The following TIMM22 variants were observed in gnomAD, a reference collection of about 807,000 sequenced individuals.
TIMM22 encodes mitochondrial import inner membrane translocase subunit Tim22.
In TIMM22, 12 loss-of-function variants were observed where a neutral mutation model predicts 18.3. That is an observed-to-expected ratio of 0.65 (90% confidence interval 0.42 to 1.06). TIMM22 has a LOEUF of 1.06. Ranked by LOEUF, TIMM22 falls within the 50% of genes least tolerant of loss-of-function variation. The pLI is 0.00. For synonymous variants in TIMM22, 107 were observed against 98.5 expected, an observed-to-expected ratio of 1.09 and a Z score of -0.51; for missense variants, 278 against 252.8, an observed-to-expected ratio of 1.10 and a Z score of -0.68.
Position 997,524 on chromosome 17 carries a change from T to A in TIMM22, c.238+144T>A, listed in dbSNP as rs190671153. On this transcript the variant is annotated intron_variant, in intron 1 of 3. Coordinates refer to ENST00000327158, the MANE Select transcript of TIMM22 (RefSeq NM_013337.4). ...CCTCGCCTCGTTCGTGAATCGGGCG[T>A]CACCTCTCCTGCCCCCTCAGGCCGG... The A allele has an allele frequency of 4.6e-4, 354 of 777,358 alleles. 1 individual carries two copies. In the African/African-American group the frequency reaches 5.6e-3, roughly 12 times the overall value. The allele number at this position is 777,358 out of a possible 1,614,324, so 48.2% of individuals were successfully genotyped here.
chr17:999,329 A>C (rs3062162), intron 2 of TIMM22, among the ~76,000 whole-genome samples, 183 bp from the exon 3 acceptor site: 8,452 of 48,576 alleles, frequency 0.17, 429 homozygotes, highest in South Asian at 0.24. Flanking sequence ...CATACTATAT[A>C]TATATATATA....
chr17:997,461 G>A (rs1597307146), intron 1 of TIMM22, 81 bp downstream of exon 1: 14 of 1,382,082 alleles, frequency 1.0e-5, no homozygotes, highest in Non-Finnish European at 1.4e-5. Flanking sequence ...CCACGCGCCT[G>A]GGAGGCGAGG....
intron 1 of TIMM22, 106 bp from the exon 2 acceptor site, chr17:998,673 C>T (rs1305910676): frequency 1.6e-6 from 2 of 1,233,980 alleles, no homozygotes; most frequent in African/African-American, 1.5e-5. Context: ...GGGGGGTGTC[C>T]TCTGCACCGG....
rs111529514 is a variant in TIMM22 at position 998,403 on chromosome 17, C to T, written c.239-376C>T. ...TTGTGAAGAATGAATGAGGCTGTGG[C>T]ATACTGGCATGTGCTCAGTAAAGCA... On this transcript the variant is annotated intron_variant, in intron 1 of 3. Transcript: ENST00000327158. Among the ~76,000 whole-genome samples the T allele has an allele frequency of 8.4e-4, 128 of 152,298 alleles. 1 individual carries two copies. Among genetic ancestry groups the T allele is most frequent in the African/African-American group, 2.8e-3 (117 of 41,562 alleles).
intron 2 of TIMM22, 36 bp from the exon 3 acceptor site, chr17:999,476 T>C (rs1442834068): frequency 1.2e-6 from 2 of 1,610,482 alleles, no homozygotes; most frequent in Admixed American, 1.7e-5. Flanking sequence ...CCTTGGCTTG[T>C]TTCTTTGGCT....
chr17:1,001,339 C>T lies in TIMM22; in HGVS notation c.*251C>T, dbSNP rs944179534. On this transcript the variant is annotated 3_prime_UTR_variant, in exon 4 of 4. Coordinates refer to ENST00000327158, the MANE Select transcript of TIMM22 (RefSeq NM_013337.4). ...CGTGCCAGATTCTCTCACAGCAGAT[C>T]GGGAGACAGGATGTTGACATATAGG... 5.5e-5 allele frequency: 24 copies of T among 434,130 alleles called. No homozygotes were observed. Among genetic ancestry groups the T allele is most frequent in the African/African-American group, 3.6e-4 (18 of 49,532 alleles). The allele number at this position is 434,130 out of a possible 1,614,324, so 26.9% of individuals were successfully genotyped here.
At position 1,000,157 on chromosome 17, in the gene TIMM22, T is replaced by C. The variant is rs563826859; in HGVS notation, c.508+573T>C. On this transcript the variant is annotated intron_variant, in intron 3 of 3. Transcript: ENST00000327158. ...CCTCAGCCTCCCAAAGTGCTGGGAT[T>C]ACAGGCATGAGCCACCACGTGTGGC... is the stretch of plus-strand genomic sequence containing the variant. Among the ~76,000 whole-genome samples the C allele has an allele frequency of 1.2e-4, 18 of 152,278 alleles. No individual in the cohort carries two copies. In the South Asian group the frequency reaches 3.5e-3, roughly 30 times the overall value.
In TIMM22 at chr17:1,001,443, G is replaced by T. The variant is rs763598511; in HGVS notation, c.*355G>T. The stretch of plus-strand genomic sequence containing the variant: ...TGGTGTTGTGGGCACAGAGGTGACA[G>T]TGTCTCTGCAGGCACTCAGGAAGCT... On this transcript the variant is annotated 3_prime_UTR_variant, in exon 4 of 4. Transcript: ENST00000327158. The T allele has an allele frequency of 4.0e-4, 98 of 243,610 alleles. No homozygotes were observed. The highest frequency in any genetic ancestry group is 6.4e-4 in the Non-Finnish European group (78 of 121,472). 15.1% of individuals were successfully genotyped at this position (243,610 alleles called of 1,614,324 possible). A position where few individuals can be genotyped will look rare whatever the true frequency, so the allele number is the denominator to read the frequency against.
At chr17:998,216 G>A (rs777959531) in intron 1 of TIMM22, among the ~76,000 whole-genome samples, 11 of 152,158 alleles carry the variant, frequency 7.2e-5, no homozygotes, top group Non-Finnish European at 1.5e-4. Context: ...GTCATGAGAG[G>A]GCATCCATCT....
intron 2 of TIMM22, among the ~76,000 whole-genome samples, 190 bp from the exon 3 acceptor site, chr17:999,322 A>ATTAT (rs1349151104): frequency 4.3e-5 from 2 of 46,746 alleles, no homozygotes; most frequent in African/African-American, 2.1e-4. Context: ...ATGAACGCAT[A>ATTAT]CTATATATAT....
chr17:997,880 C>T (rs1846304108), intron 1 of TIMM22, among the ~76,000 whole-genome samples: 1 of 152,216 alleles, frequency 6.6e-6, no homozygotes, highest in Non-Finnish European at 1.5e-5. Flanking sequence ...AATTCATTCT[C>T]TTAAATAATT....
chr17:1,000,960 C>T (rs868067807), intron 3 of TIMM22, 52 bp from the exon 4 acceptor site: 3 of 1,604,858 alleles, frequency 1.9e-6, no homozygotes, highest in Non-Finnish European at 2.6e-6. Context: ...GTGAGTGCCT[C>T]GTGACCCAGC....
Position 999,352 on chromosome 17 carries a change from T to TACATACATAC in TIMM22, c.436-159_436-158insCATACATACA, listed in dbSNP as rs376431750. ...ATATATATATATATATATATATATA[T>TACATACATAC]ATATATACACGCTGTATACTTAGGA... On this transcript the variant is annotated intron_variant, in intron 2 of 3. Coordinates refer to ENST00000327158, the MANE Select transcript of TIMM22 (RefSeq NM_013337.4). 3.3e-4 allele frequency among the ~76,000 whole-genome samples: 43 copies of TACATACATAC among 129,300 alleles called. 1 individual carries two copies. The highest frequency in any genetic ancestry group is 1.3e-3 in the African/African-American group (38 of 30,220). 84.8% of individuals were successfully genotyped at this position (129,300 alleles called of 152,430 possible).
rs1408085041 is a variant in TIMM22 at position 1,003,269 on chromosome 17, G to A, written c.*2181G>A. 1 of 152,228 alleles carries A rather than the reference G, an allele frequency of 6.6e-6. No individual in the cohort carries two copies. Among genetic ancestry groups the A allele is most frequent in the African/African-American group, 2.4e-5 (1 of 41,470 alleles). 9.4% of individuals were successfully genotyped at this position (152,228 alleles called of 1,614,324 possible). On this transcript the variant is annotated 3_prime_UTR_variant, in exon 4 of 4. Coordinates refer to ENST00000327158, the MANE Select transcript of TIMM22 (RefSeq NM_013337.4). ...GGACATTTGTACTGTAGCAGCACAT[G>A]GCAAAGGTGAGCCAGAAGCAGCCTG...
At chr17:1,000,866 T>A (rs118180361) in intron 3 of TIMM22, 146 bp from the exon 4 acceptor site, 1 of 784,958 alleles carries the variant, frequency 1.3e-6, no homozygotes, top group Admixed American at 1.9e-5. Context: ...CACTGCTTCA[T>A]TGATGTCTTC....
Position 997,370 on chromosome 17 carries a change from C to T in TIMM22, c.228C>T (p.Ala76=). 2 of 1,612,918 alleles carry T rather than the reference C, an allele frequency of 1.2e-6. No homozygotes were observed. The highest frequency in any genetic ancestry group is 1.7e-6 in the Non-Finnish European group (2 of 1,179,512). Residue 76 remains alanine, a synonymous_variant, in exon 1 of 4, where the codon GCC becomes GCT. Transcript: ENST00000327158. ...GCTGCGCTTTCAAGGCTGCGCTGGC[C>T]TGCGTGGGAGGTGAGGCCGGGCGAT... ...MESCAFKAAL[A]CVGGFVLGGA...
chr17:1,000,923 A>C, intron 3 of TIMM22, 89 bp from the exon 4 acceptor site: 2 of 1,306,676 alleles, frequency 1.5e-6, no homozygotes, highest in Non-Finnish European at 2.2e-6. Flanking sequence ...AGCTCATTTC[A>C]TGACACTGAG....
rs1054440624 is a variant in TIMM22, at chr17:997,265, C to T, written c.123C>T (p.Leu41=). The change falls in exon 1 of 4, where the codon CTC becomes CTT. Residue 41 remains leucine, a synonymous_variant. Transcript: ENST00000327158. ...TGGGTGACAAGCGTCAGCCCCGGCT[C>T]CTGGAGCCTGGGAGCCTGGGCGGGA... The part of the protein sequence containing the change: ...YLVGDKRQPR[L]LEPGSLGGIP... The T allele has an allele frequency of 2.5e-6, 4 of 1,613,498 alleles. No homozygotes were observed. In the African/African-American group the frequency reaches 5.3e-5, roughly 22 times the overall value.
In TIMM22 at chr17:1,002,909, GAGA is replaced by G. The variant is rs1342735449; in HGVS notation, c.*1822_*1824del. 7 of 152,196 alleles carry G rather than the reference GAGA, an allele frequency of 4.6e-5. No homozygotes were observed. The highest frequency in any genetic ancestry group is 1.7e-4 in the African/African-American group (7 of 41,450). 9.4% of individuals were successfully genotyped at this position (152,196 alleles called of 1,614,324 possible). A position where few individuals can be genotyped will look rare whatever the true frequency, so the allele number is the denominator to read the frequency against. On this transcript the variant is annotated 3_prime_UTR_variant, in exon 4 of 4. Coordinates refer to ENST00000327158, the MANE Select transcript of TIMM22 (RefSeq NM_013337.4). ...TTGTCCACGCTGCCTATTCACTCGA[GAGA>G]TGAATAGTTTCCTGTTTTCGATGGC...
Sources: gnomAD v4.1 joint callset for allele counts (sites outside exome capture counted in the v4.1 genomes callset) on GRCh38, gnomAD v4.1.1 for gene constraint, MANE v1.5 for transcripts, NCBI Gene and HGNC (gene_info 2026-07-23, HGNC 2026-07-21) for gene names.